Variants in DPYD observed in about 807,000 individuals in gnomAD.
The protein encoded by DPYD is dihydropyrimidine dehydrogenase.
Under a neutral mutation model 116.2 loss-of-function variants are expected in DPYD, and 109 were observed. The ratio of observed to expected loss-of-function variants is 0.94; its 90% CI spans 0.80 to 1.10. The LOEUF is 1.10. Among genes scored for constraint, DPYD ranks in the 50% least tolerant of loss-of-function variants. The pLI is 0.00. For synonymous variants in DPYD, 440 were observed against 432.0 expected, an observed-to-expected ratio of 1.02 and a Z score of -0.23; for missense variants, 1,302 against 1,254.5, an observed-to-expected ratio of 1.04 and a Z score of -0.57.
At chr1:97,640,549 T>C (rs1377987717) in intron 8 of DPYD, among the ~76,000 whole-genome samples, 3 of 152,148 alleles carry the variant, frequency 2.0e-5, no homozygotes, top group Non-Finnish European at 4.4e-5. Flanking sequence ...CTTGAGGTGA[T>C]CCTCCCACTG....
chr1:97,769,358 T>A (rs1666032812), intron 3 of DPYD, among the ~76,000 whole-genome samples: 1 of 152,150 alleles, frequency 6.6e-6, no homozygotes, highest in African/African-American at 2.4e-5. Flanking sequence ...AAAAACACTA[T>A]TTTTAACATT....
intron 20 of DPYD, among the ~76,000 whole-genome samples, chr1:97,171,054 T>C (rs544000830): frequency 1.3e-5 from 2 of 152,126 alleles, no homozygotes; most frequent in East Asian, 1.9e-4. Flanking sequence ...AATATATGCA[T>C]GTAAATAAAT....
chr1:97,078,959 CT>C lies in DPYD; in HGVS notation c.*16del, dbSNP rs753363470. 4.3e-6 allele frequency: 7 copies of C among 1,613,240 alleles called. No individual in the cohort carries two copies. Among genetic ancestry groups the C allele is most frequent in the Non-Finnish European group, 5.9e-6 (7 of 1,179,388 alleles). ...TAGGTGACATGAAAGTTCACAGCAA[CT>C]GTTTCACAAATCACCTTAACACACC... is the stretch of plus-strand genomic sequence containing the variant. On this transcript the variant is annotated 3_prime_UTR_variant, in exon 23 of 23. Transcript: ENST00000370192.
intron 3 of DPYD, among the ~76,000 whole-genome samples, chr1:97,786,993 G>A (rs978415046): frequency 2.6e-5 from 4 of 152,016 alleles, no homozygotes; most frequent in Non-Finnish European, 5.9e-5. Context: ...TTATTTCTCT[G>A]GCTTTGAGGA....
At chr1:97,738,576 G>A (rs1247028188) in intron 4 of DPYD, among the ~76,000 whole-genome samples, 2 of 152,088 alleles carry the variant, frequency 1.3e-5, no homozygotes, top group Admixed American at 6.6e-5. Flanking sequence ...AGCAATGTGG[G>A]ACAGCCTACA....
chr1:97,721,838 G>A (rs894761081), intron 4 of DPYD, among the ~76,000 whole-genome samples, 167 bp from the exon 5 acceptor site: 2 of 151,576 alleles, frequency 1.3e-5, no homozygotes, highest in Non-Finnish European at 3.0e-5. Context: ...TTAAAACTTA[G>A]CAGAGTATTT....
intron 20 of DPYD, among the ~76,000 whole-genome samples, chr1:97,118,833 GT>G (rs1294177462): frequency 2.7e-5 from 2 of 75,360 alleles, no homozygotes. Context: ...CAAAAAACTT[GT>G]TTGTTTGTCT....
intron 8 of DPYD, among the ~76,000 whole-genome samples, chr1:97,649,902 CT>C (rs1658485795): frequency 6.6e-6 from 1 of 152,090 alleles, no homozygotes; most frequent in Non-Finnish European, 1.5e-5. Context: ...GTATTACCTC[CT>C]GTTCTTATTA....
chr1:97,693,974 A>T (rs1315325890), intron 6 of DPYD, among the ~76,000 whole-genome samples: 1 of 152,164 alleles, frequency 6.6e-6, no homozygotes, highest in African/African-American at 2.4e-5. Flanking sequence ...AAAGGAAGGA[A>T]CACCTAACCT....
At chr1:97,376,863 G>A (rs1291215105) in intron 15 of DPYD, among the ~76,000 whole-genome samples, 1 of 140,878 alleles carries the variant, frequency 7.1e-6, no homozygotes, top group Non-Finnish European at 1.5e-5. Context: ...GAAAGAGAGA[G>A]TTTGTGTGTG....
chr1:97,207,474 T>G (rs1257492087), intron 19 of DPYD, among the ~76,000 whole-genome samples: 1 of 152,180 alleles, frequency 6.6e-6, no homozygotes, highest in Non-Finnish European at 1.5e-5. Flanking sequence ...TGTGTATAGA[T>G]TTTTGCATCT....
intron 9 of DPYD, among the ~76,000 whole-genome samples, chr1:97,593,827 A>G (rs909576059): frequency 6.6e-6 from 1 of 152,164 alleles, no homozygotes; most frequent in Non-Finnish European, 1.5e-5. Flanking sequence ...ATAATTTCTA[A>G]CACATACCTC....
chr1:97,893,385 G>A (rs902663497), intron 1 of DPYD, among the ~76,000 whole-genome samples: 5 of 143,714 alleles, frequency 3.5e-5, no homozygotes, highest in Admixed American at 7.1e-5. Context: ...ATATGGCAGT[G>A]TGGAAGGGTC....
chr1:97,760,430 T>C (rs1015481644), intron 3 of DPYD, among the ~76,000 whole-genome samples: 1 of 152,010 alleles, frequency 6.6e-6, no homozygotes, highest in Non-Finnish European at 1.5e-5. Context: ...AAATAAAAAA[T>C]AGCAATACAA....
chr1:97,657,733 A>C (rs1223821369), intron 8 of DPYD, among the ~76,000 whole-genome samples: 1 of 152,196 alleles, frequency 6.6e-6, no homozygotes, highest in Non-Finnish European at 1.5e-5. Flanking sequence ...TATCTTAATA[A>C]CGGTATCAGA....
rs992925290 is a variant in DPYD at position 97,905,857 on chromosome 1, G to A, written c.39+15027C>T. ...TTTCATGTCATGTATTTTAATGTCT[G>A]AATAAACAGCAATGTAAAACTGAGC... On this transcript the variant is annotated intron_variant, in intron 1 of 22. Transcript: ENST00000370192. Among the ~76,000 whole-genome samples, 19 of 151,980 alleles carry A rather than the reference G, an allele frequency of 1.3e-4. No homozygotes were observed. The South Asian group carries it at 2.7e-3, about 22-fold the overall frequency.
chr1:97,457,713 A>G (rs927663789), intron 13 of DPYD, among the ~76,000 whole-genome samples: 22 of 152,188 alleles, frequency 1.4e-4, no homozygotes, highest in African/African-American at 4.6e-4. Flanking sequence ...TAAAGCTGGG[A>G]AATAAACCGG....
intron 2 of DPYD, among the ~76,000 whole-genome samples, chr1:97,870,772 A>T (rs930391000): frequency 5.3e-5 from 8 of 151,824 alleles, no homozygotes; most frequent in African/African-American, 1.9e-4. Context: ...CAGATGTCAA[A>T]GTGCTCCCTC....
chr1:97,148,102 C>T (rs906195383), intron 20 of DPYD, among the ~76,000 whole-genome samples: 15 of 152,050 alleles, frequency 9.9e-5, no homozygotes, highest in African/African-American at 3.6e-4. Context: ...TAACAAATGT[C>T]CTGGGATGAA....
Sources: gnomAD v4.1 joint callset for allele counts (sites outside exome capture counted in the v4.1 genomes callset) on GRCh38, gnomAD v4.1.1 for gene constraint, MANE v1.5 for transcripts, NCBI Gene and HGNC (gene_info 2026-07-23, HGNC 2026-07-21) for gene names.